Variants in PDE8A observed in about 807,000 individuals in gnomAD.
PDE8A encodes high affinity cAMP-specific and IBMX-insensitive 3',5'-cyclic phosphodiesterase 8A.
PDE8A carries 59 observed loss-of-function variants against 105.0 expected under a neutral mutation model. That is an observed-to-expected ratio of 0.56 (90% CI 0.46 to 0.70). The LOEUF (loss-of-function observed/expected upper bound fraction) is 0.70. Among genes scored for constraint, PDE8A ranks in the 30% least tolerant of loss-of-function variants. PDE8A has a pLI of 0.00. For missense variants in PDE8A, 1,014 were observed against 1,045.9 expected (o/e 0.97, Z 0.42); for synonymous variants, 355 against 371.9 (o/e 0.95, Z 0.52).
chr15:85,059,200 G>A (rs1273087128), intron 1 of PDE8A, among the ~76,000 whole-genome samples: 2 of 152,020 alleles, frequency 1.3e-5, no homozygotes, highest in African/African-American at 4.8e-5. Flanking sequence ...TTTTACTTTT[G>A]TTATTGATTT....
rs368461045 is a variant in PDE8A at position 85,126,410 on chromosome 15, A to G, written c.2253+36A>G. The G allele has an allele frequency of 2.5e-5, 36 of 1,443,776 alleles. No homozygotes were observed. The African/African-American group carries it at 4.4e-4, about 18-fold the overall frequency. 89.4% of individuals were successfully genotyped at this position (1,443,776 alleles called of 1,614,324 possible). On this transcript the variant is annotated intron_variant, in intron 20 of 21. Coordinates refer to ENST00000394553, the MANE Select transcript of PDE8A (RefSeq NM_002605.3). ...GCCTCTTTTAAGTTTCTAGAGAGAG[A>G]GAGAGTTAAAACCCATAAAATCATA...
intron 20 of PDE8A, among the ~76,000 whole-genome samples, chr15:85,131,089 CT>C (rs1345096188): frequency 2.0e-5 from 3 of 152,140 alleles, no homozygotes; most frequent in Non-Finnish European, 4.4e-5. Context: ...TTTATTTTGT[CT>C]TTTAGGATAC....
Position 85,096,261 on chromosome 15 carries a change from G to C in PDE8A, c.853-1687G>C, listed in dbSNP as rs58221813. 5.2e-3 allele frequency among the ~76,000 whole-genome samples: 794 copies of C among 151,952 alleles called. 3 individuals are homozygous for C. The highest frequency in any genetic ancestry group is 0.017 in the African/African-American group (688 of 41,440). ...TTTTTTAATGTAACAGTTTTATTGA[G>C]ATGTAATTTCTATGCCATACAAGTC... is the stretch of plus-strand genomic sequence containing the variant. On this transcript the variant is annotated intron_variant, in intron 8 of 21. Transcript: ENST00000394553.
intron 18 of PDE8A, among the ~76,000 whole-genome samples, chr15:85,121,235 G>A (rs1389911973): frequency 6.6e-6 from 1 of 151,888 alleles, no homozygotes; most frequent in African/African-American, 2.4e-5. Flanking sequence ...GGGCAACGTA[G>A]GGAGACCCTG....
At chr15:85,006,646 T>C (rs2080152825) in intron 1 of PDE8A, among the ~76,000 whole-genome samples, 1 of 152,236 alleles carries the variant, frequency 6.6e-6, no homozygotes, top group Non-Finnish European at 1.5e-5. Flanking sequence ...TCTTCTTGTG[T>C]AGATTTTTTA....
intron 6 of PDE8A, among the ~76,000 whole-genome samples, chr15:85,083,867 A>G (rs1194230830): frequency 6.6e-6 from 1 of 152,174 alleles, no homozygotes; most frequent in Admixed American, 6.5e-5. Context: ...GGAGCCCCCA[A>G]ATAATAGTAA....
chr15:85,046,376 G>A (rs1210407468), intron 1 of PDE8A, among the ~76,000 whole-genome samples: 1 of 152,134 alleles, frequency 6.6e-6, no homozygotes, highest in African/African-American at 2.4e-5. Flanking sequence ...ATGGAATAAA[G>A]TACCTATGAA....
At chr15:84,989,961 T>C (rs955144795) in intron 1 of PDE8A, among the ~76,000 whole-genome samples, 9 of 152,304 alleles carry the variant, frequency 5.9e-5, no homozygotes, top group African/African-American at 2.2e-4. Context: ...TATCCATCCA[T>C]CAACCCATTT....
At chr15:85,058,175 G>A (rs1308417404) in intron 1 of PDE8A, among the ~76,000 whole-genome samples, 1 of 152,044 alleles carries the variant, frequency 6.6e-6, no homozygotes. Context: ...CGACTTCCTG[G>A]GCTCAAATGA....
At chr15:85,127,949 T>C (rs936394582) in intron 20 of PDE8A, among the ~76,000 whole-genome samples, 31 of 149,144 alleles carry the variant, frequency 2.1e-4, no homozygotes, top group African/African-American at 7.2e-4. Context: ...AGTACAACCA[T>C]GGGACAGAAT....
chr15:85,022,543 T>A (rs1022728366), intron 1 of PDE8A, among the ~76,000 whole-genome samples: 4 of 28,900 alleles, frequency 1.4e-4, no homozygotes, highest in Admixed American at 3.7e-4. Flanking sequence ...ATGCAAAATT[T>A]TTTTTTTTTT....
intron 15 of PDE8A, 33 bp from the exon 16 acceptor site, chr15:85,115,951 C>G: frequency 6.4e-7 from 1 of 1,565,038 alleles, no homozygotes; most frequent in African/African-American, 1.4e-5. Flanking sequence ...TCCTTTAAAG[C>G]CTATTTGTTC....
intron 1 of PDE8A, among the ~76,000 whole-genome samples, chr15:84,983,782 A>G (rs142747038): frequency 4.6e-4 from 70 of 152,380 alleles, no homozygotes; most frequent in African/African-American, 1.6e-3. Flanking sequence ...ATTTCAGATT[A>G]CCAAAGTAGC....
intron 11 of PDE8A, among the ~76,000 whole-genome samples, chr15:85,101,364 A>G (rs911274370): frequency 2.0e-5 from 3 of 152,212 alleles, no homozygotes; most frequent in African/African-American, 7.2e-5. Flanking sequence ...GGAGAGGTGG[A>G]TTTGAATAGA....
intron 21 of PDE8A, among the ~76,000 whole-genome samples, chr15:85,137,094 C>T (rs2082422783): frequency 2.0e-5 from 3 of 152,260 alleles, no homozygotes; most frequent in African/African-American, 7.2e-5. Context: ...GCACAGGAGT[C>T]TGTCAAATAA....
intron 3 of PDE8A, among the ~76,000 whole-genome samples, chr15:85,069,559 A>T (rs1390667714): frequency 6.6e-6 from 1 of 152,070 alleles, no homozygotes; most frequent in East Asian, 1.9e-4. Flanking sequence ...CTCCTAACAG[A>T]TCCTGGTTTC....
chr15:85,045,893 T>C (rs565839628), intron 1 of PDE8A, among the ~76,000 whole-genome samples: 3 of 152,214 alleles, frequency 2.0e-5, no homozygotes, highest in South Asian at 2.1e-4. Flanking sequence ...CAGACCAAAA[T>C]TGGATTTATG....
At chr15:85,054,623 C>G (rs1441449984) in intron 1 of PDE8A, among the ~76,000 whole-genome samples, 3 of 152,186 alleles carry the variant, frequency 2.0e-5, no homozygotes, top group African/African-American at 4.8e-5. Flanking sequence ...ATAGTATTCT[C>G]TGACGGTAGT....
intron 12 of PDE8A, among the ~76,000 whole-genome samples, chr15:85,112,680 G>A (rs891840289): frequency 6.6e-6 from 1 of 152,200 alleles, no homozygotes; most frequent in African/African-American, 2.4e-5. Context: ...GTCCTGTAAC[G>A]TCTTTGGGAA....
Sources: allele counts gnomAD v4.1 joint callset (sites outside exome capture counted in the v4.1 genomes callset), GRCh38; gene constraint gnomAD v4.1.1; transcripts MANE v1.5; gene names NCBI Gene and HGNC (gene_info 2026-07-23, HGNC 2026-07-21).